TRAPPC9: variants seen among roughly 807,000 people sequenced by gnomAD.
TRAPPC9 encodes IKK2 binding protein.
Under a neutral mutation model 124.0 loss-of-function variants are expected in TRAPPC9, and 83 were observed. The ratio of observed to expected loss-of-function variants is 0.67; its 90% CI spans 0.56 to 0.80. The LOEUF (loss-of-function observed/expected upper bound fraction) is 0.80. Among genes scored for constraint, TRAPPC9 ranks in the 30% least tolerant of loss-of-function variants. The pLI is 0.00. For missense variants in TRAPPC9, 1,302 were observed against 1,508.3 expected (o/e 0.86, Z 2.27); for synonymous variants, 638 against 617.5 (o/e 1.03, Z -0.49).
chr8:140,227,485 G>T (rs1040142707), intron 16 of TRAPPC9, among the ~76,000 whole-genome samples: 1 of 152,196 alleles, frequency 6.6e-6, no homozygotes, highest in Non-Finnish European at 1.5e-5. Context: ...GAATAAAACT[G>T]AGCTTTCAGA....
chr8:140,321,969 T>C (rs1320798325), intron 9 of TRAPPC9, among the ~76,000 whole-genome samples: 1 of 152,012 alleles, frequency 6.6e-6, no homozygotes, highest in African/African-American at 2.4e-5. Flanking sequence ...CAACCGAGAT[T>C]CCTCCTCCAA....
In TRAPPC9 at chr8:139,988,725, C is replaced by A; in HGVS notation, c.2810+1G>T. The stretch of plus-strand genomic sequence containing the variant: ...GGCGCGAGGGTCTATGGGACACTTA[C>A]CGCTGGCACTCACCGGCGTGCAGGA... On this transcript the variant is annotated splice_donor_variant, in intron 19 of 22. Coordinates refer to ENST00000438773, the MANE Select transcript of TRAPPC9 (RefSeq NM_001160372.4). LOFTEE classifies it high-confidence loss of function. 1 of 1,547,108 alleles carries A rather than the reference C, an allele frequency of 6.5e-7. No individual in the cohort carries two copies. The highest frequency in any genetic ancestry group is 8.7e-7 in the Non-Finnish European group (1 of 1,144,274).
At chr8:139,950,147 G>C (rs533291851) in intron 19 of TRAPPC9, among the ~76,000 whole-genome samples, 1 of 152,192 alleles carries the variant, frequency 6.6e-6, no homozygotes, top group African/African-American at 2.4e-5. Context: ...GAAGCGGGGC[G>C]TGTGGCCACA....
chr8:139,798,968 G>C (rs765450840), intron 21 of TRAPPC9, among the ~76,000 whole-genome samples: 2 of 152,134 alleles, frequency 1.3e-5, no homozygotes, highest in Non-Finnish European at 2.9e-5. Context: ...TCCTTGGTTT[G>C]TAACCACATC....
At chr8:139,959,850 C>A (rs1263521431) in intron 19 of TRAPPC9, among the ~76,000 whole-genome samples, 1 of 152,158 alleles carries the variant, frequency 6.6e-6, no homozygotes, top group African/African-American at 2.4e-5. Flanking sequence ...CTTCAAAGGG[C>A]CAATGAGGCC....
At chr8:140,340,060 T>C (rs1410097494) in intron 9 of TRAPPC9, among the ~76,000 whole-genome samples, 2 of 152,208 alleles carry the variant, frequency 1.3e-5, no homozygotes, top group African/African-American at 4.8e-5. Flanking sequence ...TTGGCCACGC[T>C]GGTCTCGAAC....
chr8:140,228,742 T>G (rs536577442), intron 16 of TRAPPC9, among the ~76,000 whole-genome samples: 4 of 152,248 alleles, frequency 2.6e-5, no homozygotes, highest in African/African-American at 9.6e-5. Context: ...GTGGGGACGA[T>G]TGCACAACCC....
At chr8:140,269,496 G>A (rs982446131) in intron 15 of TRAPPC9, among the ~76,000 whole-genome samples, 7 of 151,512 alleles carry the variant, frequency 4.6e-5, no homozygotes, top group African/African-American at 7.3e-5. Flanking sequence ...AGCCAAGATC[G>A]CACCACTGCA....
At chr8:139,995,955 T>G (rs1432529250) in intron 18 of TRAPPC9, among the ~76,000 whole-genome samples, 2 of 135,208 alleles carry the variant, frequency 1.5e-5, no homozygotes, top group African/African-American at 2.8e-5. Context: ...ATGTCCAGAA[T>G]ACGATCTAAA....
At chr8:140,118,238 A>T (rs2060925649) in intron 17 of TRAPPC9, among the ~76,000 whole-genome samples, 1 of 152,230 alleles carries the variant, frequency 6.6e-6, no homozygotes, top group Non-Finnish European at 1.5e-5. Context: ...CTGGAATGGG[A>T]ACCAGACAGG....
chr8:139,916,627 A>G (rs1175632653), intron 19 of TRAPPC9: 1 of 152,238 alleles, frequency 6.6e-6, no homozygotes, highest in Admixed American at 6.5e-5. Flanking sequence ...ATTGAATGCC[A>G]ATTTTCATGT....
intron 4 of TRAPPC9, among the ~76,000 whole-genome samples, chr8:140,431,555 C>T (rs1473874141): frequency 2.0e-5 from 3 of 152,104 alleles, no homozygotes; most frequent in Non-Finnish European, 4.4e-5. Context: ...TAGTAATTTC[C>T]AAACACTATA....
Position 140,311,318 on chromosome 8 carries a change from T to C in TRAPPC9, c.1552A>G (p.Met518Val). Residue 518 changes from methionine to valine, a missense_variant, in exon 10 of 23, where the codon ATG becomes GTG. Transcript: ENST00000438773. Reference sequence around the variant, plus strand: ...CCGCCAGGGAGGGCGATGGGCTCCATGGTCCCAGGACACTTGGACGTATAG... The same window carrying C: ...CCGCCAGGGAGGGCGATGGGCTCCACGGTCCCAGGACACTTGGACGTATAG... ...ENYTSKCPGTMEPIALPGGLT... is the reference protein window; with the variant it reads ...ENYTSKCPGTVEPIALPGGLT... The C allele has an allele frequency of 6.2e-7, 1 of 1,613,984 alleles. No homozygotes were observed. The highest frequency in any genetic ancestry group is 8.5e-7 in the Non-Finnish European group (1 of 1,180,010).
At chr8:140,359,980 T>A (rs1320610359) in intron 9 of TRAPPC9, 70 bp downstream of exon 9, 1 of 1,607,272 alleles carries the variant, frequency 6.2e-7, no homozygotes, top group Non-Finnish European at 8.5e-7. Flanking sequence ...AGGGTTTACA[T>A]GAACCAGCAT....
At chr8:140,322,922 C>T (rs894267563) in intron 9 of TRAPPC9, among the ~76,000 whole-genome samples, 10 of 152,190 alleles carry the variant, frequency 6.6e-5, no homozygotes, top group Admixed American at 3.3e-4. Flanking sequence ...GACTACCTTG[C>T]CTGGCATACA....
chr8:140,260,729 C>T (rs1354131100), intron 15 of TRAPPC9, among the ~76,000 whole-genome samples: 2 of 152,188 alleles, frequency 1.3e-5, no homozygotes, highest in Admixed American at 6.5e-5. Context: ...AAAGAGGCAA[C>T]TAAAAGTCAG....
intron 15 of TRAPPC9, among the ~76,000 whole-genome samples, chr8:140,272,126 G>GTGGTGGCAATGATGATGGTGGCGA (rs1331730567): frequency 1.4e-5 from 2 of 146,686 alleles, no homozygotes; most frequent in African/African-American, 2.6e-5. Context: ...AATGGTGATG[G>GTGGTGGCAATGATGATGGTGGCGA]TGGCGATGGT....
intron 17 of TRAPPC9, among the ~76,000 whole-genome samples, chr8:140,057,731 A>T (rs958873618): frequency 6.6e-6 from 1 of 152,232 alleles, no homozygotes; most frequent in Non-Finnish European, 1.5e-5. Flanking sequence ...CAGTTATACA[A>T]GGTGAGTAAG....
At chr8:139,793,816 A>G (rs528013712) in intron 21 of TRAPPC9, among the ~76,000 whole-genome samples, 7 of 152,352 alleles carry the variant, frequency 4.6e-5, no homozygotes, top group African/African-American at 1.4e-4. Flanking sequence ...GAAAAAGGGC[A>G]GTTCACTCAC....
Sources: allele counts gnomAD v4.1 joint callset (sites outside exome capture counted in the v4.1 genomes callset), GRCh38; gene constraint gnomAD v4.1.1; transcripts MANE v1.5; gene names NCBI Gene and HGNC (gene_info 2026-07-23, HGNC 2026-07-21).